The following SLAIN1 variants were observed in gnomAD, a reference collection of about 807,000 sequenced individuals.
SLAIN1 encodes SLAIN family member 1.
A neutral mutation model predicts 55.4 loss-of-function variants in SLAIN1; 17 were observed. The observed-to-expected ratio is 0.31, with a 90% CI of 0.21 to 0.46. The LOEUF (loss-of-function observed/expected upper bound fraction) is 0.46. SLAIN1 is among the 20% of genes least tolerant of loss of function. The probability of loss-of-function intolerance (pLI) is 1.00; values close to 1 mark genes in which losing one functional copy is unlikely to be tolerated. For missense variants in SLAIN1, 682 were observed against 785.1 expected (o/e 0.87, Z 1.57); for synonymous variants, 348 against 337.4 (o/e 1.03, Z -0.35).
chr13:77,763,227 T>A lies in SLAIN1; in HGVS notation c.*7T>A, dbSNP rs370865857. The A allele has an allele frequency of 6.8e-6, 11 of 1,610,896 alleles. 1 individual carries two copies. The African/African-American group carries it at 1.5e-4, about 22-fold the overall frequency. On this transcript the variant is annotated 3_prime_UTR_variant, in exon 7 of 7. Transcript: ENST00000418532. Reference sequence around the variant, plus strand: ...GAGAGATGGTTGCTACTAATGCAGTTTTATGTACCCTTGAAAAATGGGAAA... The same window carrying A: ...GAGAGATGGTTGCTACTAATGCAGTATTATGTACCCTTGAAAAATGGGAAA...
At chr13:77,711,469 A>G (rs1222828483) in intron 1 of SLAIN1, among the ~76,000 whole-genome samples, 1 of 152,234 alleles carries the variant, frequency 6.6e-6, no homozygotes, top group East Asian at 1.9e-4. Context: ...AAACTAGGAA[A>G]TCTAGAAGAA....
At chr13:77,753,581 G>A (rs530203885) in intron 5 of SLAIN1, among the ~76,000 whole-genome samples, 132 of 151,816 alleles carry the variant, frequency 8.7e-4, no homozygotes, top group Non-Finnish European at 1.6e-3. Context: ...CAGTGCCTGT[G>A]GTATAAATTA....
intron 5 of SLAIN1, 68 bp downstream of exon 5, chr13:77,753,426 A>G (rs895305450): frequency 1.1e-6 from 1 of 890,660 alleles, no homozygotes; most frequent in South Asian, 5.2e-5. Context: ...TTTTAATTGT[A>G]AGGAAAATGT....
intron 2 of SLAIN1, among the ~76,000 whole-genome samples, chr13:77,725,309 T>A (rs1311054227): frequency 6.6e-6 from 1 of 152,150 alleles, no homozygotes. Flanking sequence ...TTAATTGAAG[T>A]CCTTAGGAGT....
chr13:77,734,828 T>C (rs568373423), intron 2 of SLAIN1, among the ~76,000 whole-genome samples: 3 of 152,176 alleles, frequency 2.0e-5, no homozygotes, highest in African/African-American at 7.2e-5. Flanking sequence ...GAGACCAGCC[T>C]GACCAATATG....
chr13:77,744,103 T>G (rs2154410408), intron 2 of SLAIN1, 180 bp from the exon 3 acceptor site: 1 of 609,594 alleles, frequency 1.6e-6, no homozygotes, highest in South Asian at 1.9e-5. Flanking sequence ...GAACAAGTGG[T>G]TTTGTATATA....
chr13:77,735,589 A>C (rs1873080013), intron 2 of SLAIN1, among the ~76,000 whole-genome samples: 1 of 152,154 alleles, frequency 6.6e-6, no homozygotes, highest in African/African-American at 2.4e-5. Flanking sequence ...AAAAACAAGA[A>C]TATTTCATAA....
At position 77,755,362 on chromosome 13, in the gene SLAIN1, G is replaced by A. The variant is rs141897859; in HGVS notation, c.1414+2004G>A. ...AAAAATCAATAGTGTAAGTGTGGGA[G>A]GGGAGAAATACAGTTTGGAGAATAG... On this transcript the variant is annotated intron_variant, in intron 5 of 6. Coordinates refer to ENST00000418532, the MANE Select transcript of SLAIN1 (RefSeq NM_001242868.2). Among the ~76,000 whole-genome samples, 379 of 152,128 alleles carry A rather than the reference G, an allele frequency of 2.5e-3. 4 individuals carry two copies. The highest frequency in any genetic ancestry group is 8.7e-3 in the African/African-American group (363 of 41,524).
chr13:77,726,007 A>G (rs1438988124), intron 2 of SLAIN1, among the ~76,000 whole-genome samples: 1 of 152,222 alleles, frequency 6.6e-6, no homozygotes, highest in African/African-American at 2.4e-5. Flanking sequence ...GTGATTTCAT[A>G]GATTCCTCAA....
rs1035138368 is a variant in SLAIN1, at chr13:77,698,611, G to A, written c.626+72G>A. The stretch of plus-strand genomic sequence containing the variant: ...TTCGGGCACCGGGGAGCGGGGGCGG[G>A]GGGCGGACGGGGGTCCCCTCGCGGC... On this transcript the variant is annotated intron_variant, in intron 1 of 6. Coordinates refer to ENST00000418532, the MANE Select transcript of SLAIN1 (RefSeq NM_001242868.2). This position sits in a 1 kb window ranked among gnomAD's most constrained non-coding sequence, Gnocchi z 4.1. 13 of 1,329,246 alleles carry A rather than the reference G, an allele frequency of 9.8e-6. No individual in the cohort carries two copies. The highest frequency in any genetic ancestry group is 1.2e-5 in the Non-Finnish European group (13 of 1,044,540). 82.3% of individuals were successfully genotyped at this position (1,329,246 alleles called of 1,614,324 possible).
intron 4 of SLAIN1, among the ~76,000 whole-genome samples, chr13:77,748,191 G>T (rs1358366592): frequency 4.0e-5 from 6 of 150,688 alleles, no homozygotes; most frequent in African/African-American, 1.5e-4. Context: ...CTAATTAAGA[G>T]ATCATTTGGA....
intron 2 of SLAIN1, chr13:77,741,322 G>A (rs1230411726): frequency 5.4e-5 from 53 of 987,300 alleles, no homozygotes; most frequent in Non-Finnish European, 6.4e-5. Flanking sequence ...AGTGTGTGTT[G>A]CATTATTAAC....
intron 2 of SLAIN1, among the ~76,000 whole-genome samples, chr13:77,726,034 A>C (rs1237064424): frequency 6.6e-6 from 1 of 152,230 alleles, no homozygotes; most frequent in Admixed American, 6.5e-5. Context: ...TTCATGATGT[A>C]TCTGACAACT....
chr13:77,727,798 C>T (rs1405403842), intron 2 of SLAIN1, among the ~76,000 whole-genome samples: 1 of 152,148 alleles, frequency 6.6e-6, no homozygotes, highest in Non-Finnish European at 1.5e-5. Flanking sequence ...TTTCACAGGG[C>T]TATTTTAGAA....
intron 1 of SLAIN1, among the ~76,000 whole-genome samples, chr13:77,702,450 T>G (rs2091040393): frequency 1.3e-5 from 2 of 152,220 alleles, no homozygotes; most frequent in Non-Finnish European, 1.5e-5. Context: ...GAAATGTTTT[T>G]AAGATTTATA....
intron 1 of SLAIN1, among the ~76,000 whole-genome samples, chr13:77,716,701 T>C (rs1027309900): frequency 2.6e-5 from 4 of 152,144 alleles, no homozygotes; most frequent in Admixed American, 6.6e-5. Flanking sequence ...AAGTATACAA[T>C]TGACTTTCCT....
At chr13:77,719,057 G>C (rs2091235609) in intron 1 of SLAIN1, among the ~76,000 whole-genome samples, 1 of 152,134 alleles carries the variant, frequency 6.6e-6, no homozygotes, top group African/African-American at 2.4e-5. Context: ...AAAGAATCAA[G>C]TGACTGGCTT....
At chr13:77,711,093 A>G (rs1188261178) in intron 1 of SLAIN1, among the ~76,000 whole-genome samples, 4 of 152,204 alleles carry the variant, frequency 2.6e-5, no homozygotes, top group Admixed American at 6.5e-5. Context: ...GTTCAGAGGG[A>G]AATTTATAGC....
At chr13:77,746,981 C>T (rs1873874516) in intron 4 of SLAIN1, 126 bp downstream of exon 4, 6 of 813,792 alleles carry the variant, frequency 7.4e-6, no homozygotes, top group South Asian at 1.9e-5. Context: ...GGTTGGAGTG[C>T]AGTGGCACGA....
Sources: allele counts gnomAD v4.1 joint callset (sites outside exome capture counted in the v4.1 genomes callset), GRCh38; gene constraint gnomAD v4.1.1; non-coding constraint Gnocchi (gnomAD v3.1); transcripts MANE v1.5; gene names NCBI Gene and HGNC (gene_info 2026-07-23, HGNC 2026-07-21).